The following ANK3 variants were observed in gnomAD, a reference collection of about 807,000 sequenced individuals.
ANK3 encodes ankyrin-3.
In ANK3, 57 loss-of-function variants were observed where a neutral mutation model predicts 370.9. The ratio of observed to expected loss-of-function variants is 0.15; its 90% CI spans 0.12 to 0.19. The LOEUF (loss-of-function observed/expected upper bound fraction) is 0.19. Ranked by LOEUF, ANK3 falls within the 10% of genes least tolerant of loss-of-function variation. The pLI is 1.00. For synonymous variants in ANK3, 1,929 were observed against 1,946.3 expected (o/e 0.99, Z 0.23); for missense variants, 4,439 against 5,302.1 (o/e 0.84, Z 5.06).
chr10:60,286,751 G>A (rs963663082), intron 1 of ANK3, among the ~76,000 whole-genome samples: 2 of 152,130 alleles, frequency 1.3e-5, no homozygotes, highest in Non-Finnish European at 2.9e-5. Context: ...CTAATCTTTG[G>A]TAAGTCTTTA....
At chr10:60,243,068 G>C (rs1234266542) in intron 7 of ANK3, among the ~76,000 whole-genome samples, 3 of 152,108 alleles carry the variant, frequency 2.0e-5, no homozygotes, top group African/African-American at 7.2e-5. Flanking sequence ...TGTTAAGAGA[G>C]AAACATTGCA....
Position 60,173,247 on chromosome 10 carries a change from C to A in ANK3, c.2185-61G>T. 4 of 1,329,326 alleles carry A rather than the reference C, an allele frequency of 3.0e-6. No individual in the cohort carries two copies. In the East Asian group the frequency reaches 7.4e-5, roughly 25 times the overall value. 82.3% of individuals were successfully genotyped at this position (1,329,326 alleles called of 1,614,324 possible). A position where few individuals can be genotyped will look rare whatever the true frequency, so the allele number is the denominator to read the frequency against. On this transcript the variant is annotated intron_variant, in intron 18 of 43. Coordinates refer to ENST00000280772, the MANE Select transcript of ANK3 (RefSeq NM_020987.5). The stretch of plus-strand genomic sequence containing the variant: ...AATTACACTTTTACTAACAGCTATC[C>A]TAAACAGAAGCAAAATCATTATTTA...
intron 25 of ANK3, among the ~76,000 whole-genome samples, chr10:60,119,779 TAATA>T (rs1348632074): frequency 1.3e-5 from 2 of 151,878 alleles, no homozygotes; most frequent in Non-Finnish European, 2.9e-5. Context: ...CTCAAAAAAA[TAATA>T]AATAAATAAA....
chr10:60,296,647 G>A (rs1167946316), intron 1 of ANK3, among the ~76,000 whole-genome samples: 2 of 152,044 alleles, frequency 1.3e-5, no homozygotes, highest in African/African-American at 4.8e-5. Flanking sequence ...TATATTCCAG[G>A]TTTTGGGGAT....
At chr10:60,729,747 T>C (rs2079993753) in intron 1 of ANK3, among the ~76,000 whole-genome samples, 1 of 152,212 alleles carries the variant, frequency 6.6e-6, no homozygotes, top group Admixed American at 6.5e-5. Context: ...AATACTACCA[T>C]CTACTCAGAA....
At position 60,186,734 on chromosome 10, in the gene ANK3, T is replaced by G; in HGVS notation, c.2066A>C (p.Asn689Thr). Residue 689 changes from asparagine to threonine, a missense_variant, in exon 17 of 44, where the codon AAT becomes ACT. Physicochemically the swap from Asn to Thr is moderately conservative, Grantham distance 65. Coordinates refer to ENST00000280772, the MANE Select transcript of ANK3 (RefSeq NM_020987.5). ...MVSLLLGRNA[N>T]VNLSNKSGLT... Reference sequence around the variant, plus strand: ...GGTTACCTTATTGCTCAGGTTCACATTCGCATTTCTACCGAGGAGCAGCGA... The same window carrying G: ...GGTTACCTTATTGCTCAGGTTCACAGTCGCATTTCTACCGAGGAGCAGCGA... 1 of 1,614,038 alleles carries G rather than the reference T, an allele frequency of 6.2e-7. No homozygotes were observed. Among genetic ancestry groups the G allele is most frequent in the South Asian group, 1.1e-5 (1 of 91,068 alleles).
intron 17 of ANK3, among the ~76,000 whole-genome samples, chr10:60,182,978 C>T (rs1044964911): frequency 3.3e-5 from 5 of 152,178 alleles, no homozygotes; most frequent in African/African-American, 1.2e-4. Flanking sequence ...GTCATGGTCA[C>T]CTATTCTAAG....
In ANK3 at chr10:60,265,627, C is replaced by T. The variant is rs143680865; in HGVS notation, c.514-1607G>A. Reference sequence around the variant, plus strand: ...AAGTTACTTATTATTTTATTTGGGTCATGATATTTTATTTCTGTAGTCCCA... The same window carrying T: ...AAGTTACTTATTATTTTATTTGGGTTATGATATTTTATTTCTGTAGTCCCA... On this transcript the variant is annotated intron_variant, in intron 5 of 43. Coordinates refer to ENST00000280772, the MANE Select transcript of ANK3 (RefSeq NM_020987.5). 6.6e-5 allele frequency among the ~76,000 whole-genome samples: 10 copies of T among 152,082 alleles called. No homozygotes were observed. The East Asian group carries it at 1.7e-3, about 26-fold the overall frequency.
intron 7 of ANK3, among the ~76,000 whole-genome samples, chr10:60,248,843 A>G (rs1351010115): frequency 6.6e-6 from 1 of 152,218 alleles, no homozygotes; most frequent in Non-Finnish European, 1.5e-5. Context: ...AAGAGAAAAT[A>G]TATCCTGATA....
intron 1 of ANK3, among the ~76,000 whole-genome samples, chr10:60,316,017 T>A (rs1159937139): frequency 6.6e-6 from 1 of 152,142 alleles, no homozygotes; most frequent in African/African-American, 2.4e-5. Context: ...TGCTTTTGGC[T>A]CAGCAGACAG....
At chr10:60,677,901 T>A (rs892062592) in intron 1 of ANK3, among the ~76,000 whole-genome samples, 1 of 152,152 alleles carries the variant, frequency 6.6e-6, no homozygotes, top group Non-Finnish European at 1.5e-5. Flanking sequence ...AGGCTTCTAC[T>A]GGTCCTTTGT....
At chr10:60,394,758 G>T (rs988113132), upstream of ANK3, among the ~76,000 whole-genome samples, 1 of 152,150 alleles carries the variant, frequency 6.6e-6, no homozygotes, top group African/African-American at 2.4e-5. Context: ...AGAGAGGAGT[G>T]GGAGGAAGAT....
At chr10:60,411,842 A>G (rs10994332) in intron 2 of ANK3, among the ~76,000 whole-genome samples, 54,838 of 152,072 alleles carry the variant, frequency 0.36, 10,772 homozygotes, top group Middle Eastern at 0.48. Context: ...GAGTATTTAT[A>G]AAGTGCTTAA....
intron 2 of ANK3, among the ~76,000 whole-genome samples, chr10:60,608,581 G>T (rs1006955): frequency 6.6e-6 from 1 of 151,882 alleles, no homozygotes; most frequent in African/African-American, 2.4e-5. Context: ...GGCTCAGCAG[G>T]CATCTGAGAC....
chr10:60,568,838 T>C (rs1397193051), intron 2 of ANK3, among the ~76,000 whole-genome samples: 1 of 152,172 alleles, frequency 6.6e-6, no homozygotes, highest in Non-Finnish European at 1.5e-5. Flanking sequence ...ATGATAGGAT[T>C]GCTGGTCATA....
chr10:60,349,759 A>G (rs1005113893), intron 1 of ANK3, among the ~76,000 whole-genome samples: 1 of 152,190 alleles, frequency 6.6e-6, no homozygotes, highest in Non-Finnish European at 1.5e-5. Flanking sequence ...AGAGACTCCC[A>G]CCCTCTGTTC....
rs780215123 is a variant in ANK3, at chr10:60,072,855, T to G, written c.8026A>C (p.Met2676Leu). 7 of 1,614,092 alleles carry G rather than the reference T, an allele frequency of 4.3e-6. No homozygotes were observed. Among genetic ancestry groups the G allele is most frequent in the Non-Finnish European group, 4.2e-6 (5 of 1,179,996 alleles). The change falls in exon 37 of 44, where the codon ATG (methionine) becomes CTG (leucine). Residue 2676 changes from methionine to leucine, a missense_variant. This residue lies in a region of ANK3 where 1,601 missense variants were observed against 1,731.7 expected (regional missense o/e 0.92). Coordinates refer to ENST00000280772, the MANE Select transcript of ANK3 (RefSeq NM_020987.5). ...APSLPSSPEK[M>L]VLSQQTEDSK... ...TCCTCAGTCTGTTGGGAGAGAACCA[T>G]CTTCTCTGGGCTGCTGGGCAGACTG...
chr10:60,115,729 G>A (rs2093035215), intron 25 of ANK3, among the ~76,000 whole-genome samples: 1 of 151,908 alleles, frequency 6.6e-6, no homozygotes. Flanking sequence ...GCCCTAAATG[G>A]AAAAATATAC....
At chr10:60,180,425 G>A (rs867450054) in intron 18 of ANK3, among the ~76,000 whole-genome samples, 3 of 151,728 alleles carry the variant, frequency 2.0e-5, no homozygotes, top group African/African-American at 7.3e-5. Flanking sequence ...GTGAAACCCC[G>A]TCTCCACTAA....
Sources: gnomAD v4.1 joint callset for allele counts (sites outside exome capture counted in the v4.1 genomes callset) on GRCh38, gnomAD v4.1.1 for gene constraint, gnomAD v4.1.1 regional missense constraint, MANE v1.5 for transcripts, NCBI Gene and HGNC (gene_info 2026-07-23, HGNC 2026-07-21) for gene names.